The following PAPPA variants were observed in gnomAD, a reference collection of about 807,000 sequenced individuals.
PAPPA encodes the protein pappalysin 1, also known as pappalysin-1.
PAPPA carries 60 observed loss-of-function variants against 164.0 expected under a neutral mutation model. That is an observed-to-expected ratio of 0.37 (90% CI 0.30 to 0.45). The LOEUF (loss-of-function observed/expected upper bound fraction) is 0.45. Ranked by LOEUF, PAPPA falls within the 20% of genes least tolerant of loss-of-function variation. The pLI is 1.00. For synonymous variants in PAPPA, 875 were observed against 814.1 expected, an observed-to-expected ratio of 1.07 and a Z score of -1.27; for missense variants, 1,782 against 2,087.3, an observed-to-expected ratio of 0.85 and a Z score of 2.85.
chr9:116,355,979 T>G (rs1201559374), intron 17 of PAPPA, among the ~76,000 whole-genome samples: 3 of 152,196 alleles, frequency 2.0e-5, no homozygotes, highest in Non-Finnish European at 4.4e-5. Context: ...TCTTGCTGCC[T>G]ATAAACATAG....
chr9:116,379,758 C>A (rs1300021961), intron 20 of PAPPA, among the ~76,000 whole-genome samples: 1 of 152,064 alleles, frequency 6.6e-6, no homozygotes, highest in Non-Finnish European at 1.5e-5. Context: ...AAATCAAATA[C>A]AAGAGGCTAT....
chr9:116,184,591 T>A (rs1219941373), intron 1 of PAPPA, among the ~76,000 whole-genome samples: 1 of 152,152 alleles, frequency 6.6e-6, no homozygotes, highest in Admixed American at 6.5e-5. Flanking sequence ...GTCTTTTAAG[T>A]ATGACAATAT....
At chr9:116,204,936 A>G (rs1319910412) in intron 2 of PAPPA, among the ~76,000 whole-genome samples, 1 of 152,120 alleles carries the variant, frequency 6.6e-6, no homozygotes, top group Non-Finnish European at 1.5e-5. Flanking sequence ...GTAGGGAGGT[A>G]AATACCCACA....
chr9:116,179,579 G>A (rs182270312), intron 1 of PAPPA, among the ~76,000 whole-genome samples: 1 of 152,154 alleles, frequency 6.6e-6, no homozygotes, highest in East Asian at 1.9e-4. Flanking sequence ...TTTTGACCCG[G>A]GGTGGACCCG....
At chr9:116,360,847 G>C (rs574402853) in intron 17 of PAPPA, among the ~76,000 whole-genome samples, 3 of 152,292 alleles carry the variant, frequency 2.0e-5, no homozygotes, top group South Asian at 2.1e-4. Context: ...GCCTTGAGGA[G>C]CTCATTGTCT....
intron 19 of PAPPA, among the ~76,000 whole-genome samples, chr9:116,369,147 T>TTCTC (rs138733335): frequency 6.7e-6 from 1 of 150,114 alleles, no homozygotes; most frequent in Non-Finnish European, 1.5e-5. Context: ...CATCCACTGT[T>TTCTC]TCTCTCTCTC....
At chr9:116,279,339 A>G (rs1296548580) in intron 9 of PAPPA, among the ~76,000 whole-genome samples, 2 of 152,154 alleles carry the variant, frequency 1.3e-5, no homozygotes, top group Admixed American at 6.5e-5. Context: ...GAAGTACTCA[A>G]CAGGGAGGTC....
At chr9:116,225,463 G>T (rs182062511) in intron 5 of PAPPA, among the ~76,000 whole-genome samples, 32 of 152,268 alleles carry the variant, frequency 2.1e-4, no homozygotes, top group Admixed American at 1.2e-3. Context: ...AATTGCTGCT[G>T]ATAATATTTT....
intron 20 of PAPPA, among the ~76,000 whole-genome samples, chr9:116,381,342 G>A (rs962784692): frequency 2.6e-5 from 4 of 152,218 alleles, no homozygotes; most frequent in Non-Finnish European, 5.9e-5. Flanking sequence ...AAAGTTGTGT[G>A]CAGCCTTAAA....
At chr9:116,305,134 GACACACACACACACACACAC>G (rs57723920) in intron 10 of PAPPA, among the ~76,000 whole-genome samples, 2 of 129,862 alleles carry the variant, frequency 1.5e-5, no homozygotes, top group Non-Finnish European at 3.2e-5. Flanking sequence ...TGGGCACACA[GACACACACACACACACACAC>G]ACACACACAC....
intron 9 of PAPPA, among the ~76,000 whole-genome samples, chr9:116,299,335 G>T (rs1223109149): frequency 1.3e-5 from 2 of 151,772 alleles, no homozygotes; most frequent in Non-Finnish European, 1.5e-5. Flanking sequence ...TTATCGACCT[G>T]CCTGTATACC....
At chr9:116,322,632 C>G (rs896257618) in intron 10 of PAPPA, among the ~76,000 whole-genome samples, 17 of 152,232 alleles carry the variant, frequency 1.1e-4, no homozygotes, top group African/African-American at 4.1e-4. Context: ...TCCTCAGGAC[C>G]CTTAAGAATC....
intron 8 of PAPPA, among the ~76,000 whole-genome samples, chr9:116,269,141 C>T (rs1483828865): frequency 6.6e-6 from 1 of 152,168 alleles, no homozygotes; most frequent in Non-Finnish European, 1.5e-5. Flanking sequence ...GTGCATGAAG[C>T]ACTGTGCTAC....
Position 116,332,460 on chromosome 9 carries a change from A to T in PAPPA, c.3389A>T (p.His1130Leu). 1 of 1,613,118 alleles carries T rather than the reference A, an allele frequency of 6.2e-7. No homozygotes were observed. The highest frequency in any genetic ancestry group is 1.1e-5 in the South Asian group (1 of 90,996). The change falls in exon 12 of 22, where the codon CAC becomes CTC. Residue 1130 changes from histidine (H) to leucine (L), a missense_variant. His to Leu is a moderately conservative substitution (Grantham distance 99). Around this residue, in one of 2 missense-constraint regions of PAPPA, gnomAD observed 1,324 missense variants for 1,656.9 expected, o/e 0.80. Coordinates refer to ENST00000328252, the MANE Select transcript of PAPPA (RefSeq NM_002581.5). The stretch of plus-strand genomic sequence containing the variant: ...CTGCTTGATACCAAAGATCAGAGCC[A>T]CGATCTAGGTAAGCATGCTCTCTTG... ...VQLLDTKDQS[H>L]DLGLHVLSCR...
At chr9:116,299,049 G>A (rs541455040) in intron 9 of PAPPA, among the ~76,000 whole-genome samples, 3 of 152,286 alleles carry the variant, frequency 2.0e-5, no homozygotes, top group South Asian at 4.1e-4. Context: ...TGTGCTTGGG[G>A]CAGAGGGAGT....
At chr9:116,207,060 G>A (rs7040545) in intron 2 of PAPPA, among the ~76,000 whole-genome samples, 6,805 of 152,162 alleles carry the variant, frequency 0.045, 480 homozygotes, top group African/African-American at 0.15. Flanking sequence ...GGAAGAGCAG[G>A]AAACCATCAC....
intron 3 of PAPPA, among the ~76,000 whole-genome samples, chr9:116,210,582 C>T (rs560159532): frequency 1.1e-4 from 17 of 152,306 alleles, no homozygotes; most frequent in Middle Eastern, 6.8e-3. Flanking sequence ...ATCTCTCTGG[C>T]AGCCTGTATG....
intron 10 of PAPPA, among the ~76,000 whole-genome samples, chr9:116,325,648 T>C (rs1417554081): frequency 6.6e-6 from 1 of 152,158 alleles, no homozygotes; most frequent in Non-Finnish European, 1.5e-5. Context: ...TGAGAAGCAG[T>C]CATCTGCCCA....
chr9:116,316,985 A>G (rs1002382702), intron 10 of PAPPA, among the ~76,000 whole-genome samples: 4 of 152,196 alleles, frequency 2.6e-5, no homozygotes, highest in African/African-American at 4.8e-5. Context: ...TGCACTCTGC[A>G]TGATCATCTT....
Sources: allele counts gnomAD v4.1 joint callset (sites outside exome capture counted in the v4.1 genomes callset), GRCh38; gene constraint gnomAD v4.1.1; regional missense constraint gnomAD v4.1.1; transcripts MANE v1.5; gene names NCBI Gene and HGNC (gene_info 2026-07-23, HGNC 2026-07-21).